MOSMO: variants seen among roughly 807,000 people sequenced by gnomAD.
The protein encoded by MOSMO is modulator of smoothened.
A neutral mutation model predicts 18.4 loss-of-function variants in MOSMO; 5 were observed. The ratio of observed to expected loss-of-function variants is 0.27; its 90% CI spans 0.14 to 0.57. The LOEUF (loss-of-function observed/expected upper bound fraction) is 0.57. MOSMO is among the 20% of genes least tolerant of loss of function. The probability of loss-of-function intolerance (pLI) is 0.92; values close to 1 mark genes in which losing one functional copy is unlikely to be tolerated. For synonymous variants in MOSMO, 82 were observed against 82.3 expected (o/e 1.00, Z 0.02); for missense variants, 138 against 211.8 (o/e 0.65, Z 2.16).
chr16:22,044,160 T>G (rs530097731), intron 1 of MOSMO, among the ~76,000 whole-genome samples: 1 of 152,244 alleles, frequency 6.6e-6, no homozygotes, highest in Non-Finnish European at 1.5e-5. Context: ...TATAGGAGTT[T>G]CAATCAAGAT....
intron 1 of MOSMO, among the ~76,000 whole-genome samples, chr16:22,039,917 C>G (rs1201786597): frequency 2.0e-5 from 3 of 152,120 alleles, no homozygotes; most frequent in African/African-American, 7.2e-5. Flanking sequence ...TTTTTACTGG[C>G]TCCCTCCACT....
downstream of MOSMO, among the ~76,000 whole-genome samples, chr16:22,090,456 C>T (rs1411662350): frequency 1.3e-5 from 2 of 152,128 alleles, no homozygotes; most frequent in African/African-American, 4.8e-5. Flanking sequence ...CATTCCTCAC[C>T]TCCCCTGCTT....
intron 1 of MOSMO, among the ~76,000 whole-genome samples, chr16:22,072,614 A>C (rs1011116944): frequency 2.0e-5 from 3 of 152,082 alleles, no homozygotes; most frequent in Non-Finnish European, 4.4e-5. Flanking sequence ...GATCGAGACG[A>C]TCTTGGCTAA....
intron 1 of MOSMO, among the ~76,000 whole-genome samples, chr16:22,050,887 G>GAA (rs34532029): frequency 4.0e-4 from 28 of 70,474 alleles, no homozygotes; most frequent in East Asian, 9.1e-4. Context: ...TGTCTCTTAA[G>GAA]AAAAAAAAAA....
At chr16:22,077,463 A>G (rs1900992223) in intron 2 of MOSMO, among the ~76,000 whole-genome samples, 1 of 152,158 alleles carries the variant, frequency 6.6e-6, no homozygotes, top group Non-Finnish European at 1.5e-5. Context: ...ATGTGAAATC[A>G]TATTTGGCCC....
At position 22,048,041 on chromosome 16, in the gene MOSMO, A is replaced by T. The variant is rs573081679; in HGVS notation, c.107-27446A>T. The stretch of plus-strand genomic sequence containing the variant: ...TGAAAGACGAGGGAGTTAAGTCCTA[A>T]AGGCACATCAGAACTGAACTGCAAG... On this transcript the variant is annotated intron_variant, in intron 1 of 2. Coordinates refer to ENST00000542527, the MANE Select transcript of MOSMO (RefSeq NM_001164579.2). 1.2e-4 allele frequency among the ~76,000 whole-genome samples: 18 copies of T among 152,334 alleles called. 1 individual carries two copies. The highest frequency in any genetic ancestry group is 4.1e-4 in the African/African-American group (17 of 41,582).
At chr16:22,008,462 G>C in intron 1 of MOSMO, 55 bp downstream of exon 1, 1 of 1,281,596 alleles carries the variant, frequency 7.8e-7, no homozygotes, top group South Asian at 1.3e-5. Flanking sequence ...CGACGCGAGA[G>C]AGGGGAGACC....
chr16:22,088,612 AC>A (rs1901233404), downstream of MOSMO, among the ~76,000 whole-genome samples: 1 of 152,226 alleles, frequency 6.6e-6, no homozygotes, highest in Admixed American at 6.5e-5. Context: ...GGCATTCTCT[AC>A]GTTTAGAGAA....
chr16:22,054,848 A>G (rs1400500870), intron 1 of MOSMO, among the ~76,000 whole-genome samples: 1 of 151,936 alleles, frequency 6.6e-6, no homozygotes, highest in South Asian at 2.1e-4. Flanking sequence ...TTTTTTTCAC[A>G]TTTTCATTTT....
intron 1 of MOSMO, among the ~76,000 whole-genome samples, chr16:22,018,136 G>T (rs531641842): frequency 6.6e-6 from 1 of 151,874 alleles, no homozygotes; most frequent in Non-Finnish European, 1.5e-5. Flanking sequence ...GACACTTGCC[G>T]TTGTATATAT....
chr16:22,060,036 G>A (rs1026178277), intron 1 of MOSMO, among the ~76,000 whole-genome samples: 1 of 152,170 alleles, frequency 6.6e-6, no homozygotes, highest in Non-Finnish European at 1.5e-5. Context: ...AATCAGCAAC[G>A]CGTGGTGGCA....
intron 1 of MOSMO, among the ~76,000 whole-genome samples, chr16:22,065,064 A>C (rs1337399191): frequency 1.3e-5 from 2 of 152,198 alleles, no homozygotes; most frequent in Admixed American, 6.5e-5. Context: ...TTTAAACTAG[A>C]GATTTGCTGC....
chr16:22,075,612 T>G lies in MOSMO; in HGVS notation c.232T>G (p.Ser78Ala). 1 of 1,537,390 alleles carries G rather than the reference T, an allele frequency of 6.5e-7. No individual in the cohort carries two copies. Among genetic ancestry groups the G allele is most frequent in the South Asian group, 1.2e-5 (1 of 84,068 alleles). The change falls in exon 2 of 3, where the codon TCA (serine) becomes GCA (alanine). Residue 78 changes from serine (S) to alanine (A), a missense_variant. Coordinates refer to ENST00000542527, the MANE Select transcript of MOSMO (RefSeq NM_001164579.2). The stretch of plus-strand genomic sequence containing the variant: ...GTTTTTTATCATCATGGGAATCATT[T>G]CATTGACTGTCACATGTGGTTTGCT... Reference protein sequence around the residue: ...TLFFIIMGIISLTVTCGLLVA... With the variant: ...TLFFIIMGIIALTVTCGLLVA...
chr16:22,059,465 T>C (rs1900601249), intron 1 of MOSMO, among the ~76,000 whole-genome samples: 1 of 152,314 alleles, frequency 6.6e-6, no homozygotes, highest in African/African-American at 2.4e-5. Context: ...GTGGGTGTAT[T>C]AGTCCATTCT....
intron 1 of MOSMO, among the ~76,000 whole-genome samples, chr16:22,024,069 T>C (rs1776624016): frequency 6.7e-6 from 1 of 148,250 alleles, no homozygotes; most frequent in Non-Finnish European, 1.5e-5. Context: ...CTATTTTACA[T>C]TCTTAATTCT....
chr16:22,028,094 T>A (rs1452346729), intron 1 of MOSMO, among the ~76,000 whole-genome samples: 2 of 152,198 alleles, frequency 1.3e-5, no homozygotes, highest in Non-Finnish European at 2.9e-5. Context: ...ATCCAGAAGA[T>A]GTAAAGTATA....
At chr16:22,071,625 C>A (rs1170688672) in intron 1 of MOSMO, among the ~76,000 whole-genome samples, 1 of 152,152 alleles carries the variant, frequency 6.6e-6, no homozygotes, top group African/African-American at 2.4e-5. Flanking sequence ...GGATGACTTT[C>A]CTTTTGTGTG....
downstream of MOSMO, among the ~76,000 whole-genome samples, chr16:22,088,013 A>G (rs953425111): frequency 7.2e-5 from 11 of 151,974 alleles, no homozygotes; most frequent in African/African-American, 2.7e-4. Flanking sequence ...CAAAAGCAAG[A>G]TATTATCTAT....
At position 22,062,307 on chromosome 16, in the gene MOSMO, CT is replaced by C. The variant is rs546549658; in HGVS notation, c.107-13172del. Among the ~76,000 whole-genome samples, 483 of 151,786 alleles carry C rather than the reference CT, an allele frequency of 3.2e-3. 6 individuals carry two copies. In the Middle Eastern group the frequency reaches 0.071, roughly 22 times the overall value. On this transcript the variant is annotated intron_variant, in intron 1 of 2. Coordinates refer to ENST00000542527, the MANE Select transcript of MOSMO (RefSeq NM_001164579.2). The stretch of plus-strand genomic sequence containing the variant: ...ATCCCAAACTATGTTTCTCTTATTT[CT>C]TTTTTTTCTTTTCTTATATTTAATT...
Sources: gnomAD v4.1 joint callset for allele counts (sites outside exome capture counted in the v4.1 genomes callset) on GRCh38, gnomAD v4.1.1 for gene constraint, MANE v1.5 for transcripts, NCBI Gene and HGNC (gene_info 2026-07-23, HGNC 2026-07-21) for gene names.